LAYN: variants seen among roughly 807,000 people sequenced by gnomAD.
LAYN encodes the protein layilin.
A neutral mutation model predicts 43.6 loss-of-function variants in LAYN; 38 were observed. The observed-to-expected ratio is 0.87, with a 90% CI of 0.67 to 1.14. The LOEUF is 1.14. Among genes scored for constraint, LAYN ranks in the 50% most tolerant of loss-of-function variants. LAYN has a pLI of 0.00. For missense variants in LAYN, 479 were observed against 463.8 expected, an observed-to-expected ratio of 1.03 and a Z score of -0.30; for synonymous variants, 168 against 172.9, an observed-to-expected ratio of 0.97 and a Z score of 0.22.
At position 111,560,407 on chromosome 11, in the gene LAYN, G is replaced by A. The variant is rs1867934384; in HGVS notation, c.1074G>A (p.Met358Ile). ...TTTATGAGTTCTCCCCAGACCAAAT[G>A]GGGAGGAGTAAGGAGTCTGGATGGG... ...NDIYEFSPDQ[M>I]GRSKESGWVE... Residue 358 changes from methionine to isoleucine, a missense_variant, in exon 7 of 7, where the codon ATG becomes ATA. Transcript: ENST00000375614. 1 of 1,614,026 alleles carries A rather than the reference G, an allele frequency of 6.2e-7. No individual in the cohort carries two copies. Among genetic ancestry groups the A allele is most frequent in the Admixed American group, 1.7e-5 (1 of 60,014 alleles).
At chr11:111,556,724 G>T (rs913447023) in intron 5 of LAYN, among the ~76,000 whole-genome samples, 4 of 152,142 alleles carry the variant, frequency 2.6e-5, no homozygotes, top group Non-Finnish European at 5.9e-5. Flanking sequence ...GGGTTTTAGT[G>T]GTGGTCAGGT....
At chr11:111,553,755 T>TACACACACACACACACACACAC (rs1565271662) in intron 3 of LAYN, among the ~76,000 whole-genome samples, 1 of 104,072 alleles carries the variant, frequency 9.6e-6, no homozygotes, top group African/African-American at 3.3e-5. Flanking sequence ...CACACACACT[T>TACACACACACACACACACACAC]ATGGGAAGAT....
rs533169861 is a variant in LAYN at position 111,554,557 on chromosome 11, A to G, written c.542-4A>G. 39 of 1,611,620 alleles carry G rather than the reference A, an allele frequency of 2.4e-5. No individual in the cohort carries two copies. The Admixed American group carries it at 4.3e-4, about 18-fold the overall frequency. On this transcript the variant is annotated splice_region_variant and splice_polypyrimidine_tract_variant and intron_variant, in intron 3 of 6. Coordinates refer to ENST00000375614, the MANE Select transcript of LAYN (RefSeq NM_178834.5). ...ATTTTTGTTTTTGTTTCTTTCTACTACAGAGAAACCAGCAGTTCCTTCTAG... is the reference window on the plus strand; with the variant it reads ...ATTTTTGTTTTTGTTTCTTTCTACTGCAGAGAAACCAGCAGTTCCTTCTAG...
At chr11:111,550,383 A>G (rs1473312765) in intron 3 of LAYN, among the ~76,000 whole-genome samples, 1 of 152,176 alleles carries the variant, frequency 6.6e-6, no homozygotes, top group Admixed American at 6.5e-5. Context: ...TAGTTTTGCT[A>G]TACTTGGGTT....
intron 5 of LAYN, among the ~76,000 whole-genome samples, chr11:111,557,045 T>C (rs923291186): frequency 6.6e-6 from 1 of 152,172 alleles, no homozygotes; most frequent in African/African-American, 2.4e-5. Context: ...CTGGCTTGCT[T>C]CTTTTTCCCT....
At chr11:111,552,263 G>C (rs1336523434) in intron 3 of LAYN, among the ~76,000 whole-genome samples, 1 of 152,122 alleles carries the variant, frequency 6.6e-6, no homozygotes, top group African/African-American at 2.4e-5. Flanking sequence ...TCAAAGCTAG[G>C]TTTGGTGTCT....
At chr11:111,541,239 G>A (rs1867531222) in intron 1 of LAYN, 1 of 591,398 alleles carries the variant, frequency 1.7e-6, no homozygotes, top group African/African-American at 1.9e-5. Flanking sequence ...TGCCCCAGTG[G>A]GTGCCCCTTC....
chr11:111,542,844 C>G (rs1867572877), intron 1 of LAYN, among the ~76,000 whole-genome samples: 2 of 152,172 alleles, frequency 1.3e-5, no homozygotes, highest in Non-Finnish European at 2.9e-5. Context: ...CGCACAGTGC[C>G]AGGCACAAAG....
chr11:111,541,181 A>AT (rs1867530054), intron 1 of LAYN, among the ~76,000 whole-genome samples: 1 of 152,202 alleles, frequency 6.6e-6, no homozygotes, highest in East Asian at 1.9e-4. Context: ...GTCCAGAGTT[A>AT]TGGGGGTGGG....
intron 5 of LAYN, among the ~76,000 whole-genome samples, chr11:111,557,306 C>CAGAAGACT (rs1459660955): frequency 6.6e-6 from 1 of 152,174 alleles, no homozygotes; most frequent in Admixed American, 6.5e-5. Context: ...CCATCGAAAC[C>CAGAAGACT]AGAAGACTCT....
chr11:111,560,161 A>T lies in LAYN; in HGVS notation c.828A>T (p.Gly276=), dbSNP rs1053812724. The change falls in exon 7 of 7, where the codon GGA becomes GGT. Residue 276 remains glycine, a synonymous_variant. Transcript: ENST00000375614. The stretch of plus-strand genomic sequence containing the variant: ...CCATCTGGCCCTCTCCTCACCAGGG[A>T]AACAGCCCGGACCTAGAGGTCTACA... ...QHTIWPSPHQ[G]NSPDLEVYNV... 20 of 1,614,232 alleles carry T rather than the reference A, an allele frequency of 1.2e-5. No individual in the cohort carries two copies. The highest frequency in any genetic ancestry group is 1.7e-5 in the Non-Finnish European group (20 of 1,180,036).
intron 3 of LAYN, among the ~76,000 whole-genome samples, chr11:111,550,814 C>A (rs977888991): frequency 6.6e-6 from 1 of 152,142 alleles, no homozygotes; most frequent in African/African-American, 2.4e-5. Context: ...TAATTATATT[C>A]TATTATTAAT....
chr11:111,560,263 T>A lies in LAYN; in HGVS notation c.930T>A (p.Cys310Ter). 4 of 1,614,190 alleles carry A rather than the reference T, an allele frequency of 2.5e-6. No individual in the cohort carries two copies. In the South Asian group the frequency reaches 3.3e-5, roughly 13 times the overall value. The change falls in exon 7 of 7, where the codon TGT (cysteine) becomes TGA (stop). Residue 310 changes from cysteine to a stop codon, truncating the protein, a stop_gained. Coordinates refer to ENST00000375614, the MANE Select transcript of LAYN (RefSeq NM_178834.5). LOFTEE classifies it high-confidence loss of function. ...PDLKNISFRV[C>*]SGEATPDDMS... is the part of the protein sequence containing the mutation. ...TGAAGAATATTTCATTCCGAGTGTG[T>A]TCGGGAGAAGCCACTCCCGATGACA...
At chr11:111,557,380 A>G (rs1181992996) in intron 5 of LAYN, among the ~76,000 whole-genome samples, 161 bp from the exon 6 acceptor site, 1 of 152,202 alleles carries the variant, frequency 6.6e-6, no homozygotes, top group Non-Finnish European at 1.5e-5. Context: ...CTCTGTGTTG[A>G]TTAGCCTTTT....
At chr11:111,560,039 G>A in intron 6 of LAYN, 56 bp from the exon 7 acceptor site, 1 of 1,536,668 alleles carries the variant, frequency 6.5e-7, no homozygotes, top group South Asian at 1.3e-5. Flanking sequence ...GGAAGCACAA[G>A]GGTATTCTCA....
chr11:111,541,154 C>T (rs1472225309), intron 1 of LAYN, among the ~76,000 whole-genome samples: 1 of 152,258 alleles, frequency 6.6e-6, no homozygotes, highest in East Asian at 1.9e-4. Context: ...TCCTGGAACG[C>T]TCGAAGCCCG....
chr11:111,541,312 A>G, intron 1 of LAYN: 2 of 602,952 alleles, frequency 3.3e-6, no homozygotes, highest in South Asian at 3.9e-5. Context: ...CAGGCTTGCC[A>G]GCTGGCCCCC....
intron 1 of LAYN, among the ~76,000 whole-genome samples, chr11:111,541,814 T>C (rs898201686): frequency 6.6e-6 from 1 of 152,246 alleles, no homozygotes; most frequent in South Asian, 2.1e-4. Flanking sequence ...GGAAGCTGAA[T>C]TGAGCTGCTT....
intron 1 of LAYN, among the ~76,000 whole-genome samples, chr11:111,542,213 GC>G (rs1435966787): frequency 6.6e-6 from 1 of 152,200 alleles, no homozygotes; most frequent in Non-Finnish European, 1.5e-5. Flanking sequence ...GGCTGGCCCA[GC>G]CCCCTTCCCG....
Sources: allele counts gnomAD v4.1 joint callset (sites outside exome capture counted in the v4.1 genomes callset), GRCh38; gene constraint gnomAD v4.1.1; transcripts MANE v1.5; gene names NCBI Gene and HGNC (gene_info 2026-07-23, HGNC 2026-07-21).